Variants in CLASP2 observed in about 807,000 individuals in gnomAD.
The protein encoded by CLASP2 is CLIP-associating protein 2.
Under a neutral mutation model 194.4 loss-of-function variants are expected in CLASP2, and 47 were observed. That is an observed-to-expected ratio of 0.24 (90% CI 0.19 to 0.31). CLASP2 has a LOEUF of 0.31. Among genes scored for constraint, CLASP2 ranks in the 10% least tolerant of loss-of-function variants. The pLI is 1.00. For missense variants in CLASP2, 1,445 were observed against 1,823.6 expected (o/e 0.79, Z 3.78); for synonymous variants, 619 against 633.5 (o/e 0.98, Z 0.34).
chr3:33,570,886 A>G, intron 25 of CLASP2, 96 bp from the exon 26 acceptor site: 1 of 1,179,030 alleles, frequency 8.5e-7, no homozygotes, highest in South Asian at 1.6e-5. Flanking sequence ...AAAAAAAAAA[A>G]AAGGTTAGGT....
At chr3:33,640,595 G>C (rs1480365389) in intron 8 of CLASP2, among the ~76,000 whole-genome samples, 4 of 152,090 alleles carry the variant, frequency 2.6e-5, no homozygotes, top group Non-Finnish European at 2.9e-5. Context: ...TTTGGTCAAT[G>C]ATGTGTCTCA....
At chr3:33,597,832 A>G (rs1021171547) in intron 18 of CLASP2, among the ~76,000 whole-genome samples, 1 of 149,546 alleles carries the variant, frequency 6.7e-6, no homozygotes, top group Non-Finnish European at 1.5e-5. Flanking sequence ...ATCTCACTGC[A>G]GCCTCCACCT....
rs1185217094 is a variant in CLASP2, at chr3:33,710,364, C to T, written c.195+7444G>A. Among the ~76,000 whole-genome samples, 5 of 152,234 alleles carry T rather than the reference C, an allele frequency of 3.3e-5. No individual in the cohort carries two copies. In the South Asian group the frequency reaches 1.0e-3, roughly 32 times the overall value. ...GTTTTTAATTATTATCATAAGCAGG[C>T]TAGCCATAAAAATCAATATACCAAA... On this transcript the variant is annotated intron_variant, in intron 1 of 38. Transcript: ENST00000682230.
intron 1 of CLASP2, among the ~76,000 whole-genome samples, chr3:33,709,577 T>C (rs1017405321): frequency 1.3e-5 from 2 of 152,046 alleles, no homozygotes; most frequent in Admixed American, 6.6e-5. Flanking sequence ...ACTGCTGGCT[T>C]TGAAGATGGA....
At chr3:33,578,536 A>C (rs2065370657) in intron 23 of CLASP2, among the ~76,000 whole-genome samples, 1 of 152,222 alleles carries the variant, frequency 6.6e-6, no homozygotes. Context: ...GGACAGCCTT[A>C]ATAAACAGGA....
intron 20 of CLASP2, among the ~76,000 whole-genome samples, chr3:33,593,124 G>A (rs7640836): frequency 6.6e-5 from 10 of 152,018 alleles, no homozygotes; most frequent in East Asian, 1.9e-4. Context: ...CATACCTCCC[G>A]AACTGCACTC....
chr3:33,588,091 T>C (rs924046133), intron 21 of CLASP2, among the ~76,000 whole-genome samples: 7 of 152,164 alleles, frequency 4.6e-5, no homozygotes, highest in African/African-American at 1.7e-4. Flanking sequence ...CAAATTTAAA[T>C]TCAGTCCTGC....
chr3:33,588,880 T>TA, intron 21 of CLASP2: 2 of 598,284 alleles, frequency 3.3e-6, no homozygotes, highest in East Asian at 2.8e-5. Context: ...AAGCAAACTT[T>TA]AAAAAATCCC....
At chr3:33,590,997 ACAGTGGGAACC>A (rs147063349) in intron 21 of CLASP2, among the ~76,000 whole-genome samples, 1 of 143,074 alleles carries the variant, frequency 7.0e-6, no homozygotes. Context: ...CCTGGGCAAC[ACAGTGGGAACC>A]CACCTCTATA....
intron 37 of CLASP2, 127 bp from the exon 38 acceptor site, chr3:33,501,895 CAA>C: frequency 1.5e-6 from 1 of 645,890 alleles, no homozygotes; most frequent in South Asian, 1.9e-5. Flanking sequence ...AAGTGCAGAT[CAA>C]AGTTAACTTT....
At chr3:33,608,666 G>T in intron 13 of CLASP2, 40 bp from the exon 14 acceptor site, 2 of 1,322,136 alleles carry the variant, frequency 1.5e-6, no homozygotes, top group South Asian at 1.2e-5. Context: ...ATGTTGTATT[G>T]AGAAATACAT....
In CLASP2 at chr3:33,531,582, C is replaced by T. The variant is rs571113469; in HGVS notation, c.3787+3651G>A. On this transcript the variant is annotated intron_variant, in intron 34 of 38. Transcript: ENST00000682230. Reference sequence around the variant, plus strand: ...CCTGAGGTCAGGAGTTCGAGACCAGCCTGACCAACATGGACAAACCCCGTC... The same window carrying T: ...CCTGAGGTCAGGAGTTCGAGACCAGTCTGACCAACATGGACAAACCCCGTC... Among the ~76,000 whole-genome samples the T allele has an allele frequency of 1.8e-3, 278 of 152,262 alleles. 3 individuals carry two copies. Among genetic ancestry groups the T allele is most frequent in the South Asian group, 1.0e-3 (5 of 4,818 alleles).
intron 1 of CLASP2, among the ~76,000 whole-genome samples, chr3:33,707,846 TGA>T (rs1011711914): frequency 2.6e-5 from 4 of 152,172 alleles, no homozygotes; most frequent in African/African-American, 4.8e-5. Context: ...AAATAGAGAC[TGA>T]GGGGGAAACA....
Position 33,607,471 on chromosome 3 carries a change from A to G in CLASP2, c.1449-10T>C. The G allele has an allele frequency of 1.3e-6, 2 of 1,584,532 alleles. No homozygotes were observed. The highest frequency in any genetic ancestry group is 2.3e-5 in the South Asian group (2 of 87,212). ...CAAGACGGCTGCATGTCTATAAAAT[A>G]AAATACATCTTTAGAGTTATGATAT... On this transcript the variant is annotated splice_polypyrimidine_tract_variant and intron_variant, in intron 14 of 38. Transcript: ENST00000682230.
intron 6 of CLASP2, 90 bp downstream of exon 6, chr3:33,684,269 T>G (rs1030439212): frequency 4.6e-6 from 3 of 656,288 alleles, no homozygotes; most frequent in Non-Finnish European, 7.3e-6. Flanking sequence ...AATAAATAAA[T>G]AAAAAATACA....
intron 17 of CLASP2, 79 bp downstream of exon 17, chr3:33,604,075 T>C: frequency 9.6e-7 from 1 of 1,036,276 alleles, no homozygotes; most frequent in Admixed American, 2.2e-5. Context: ...CTTTTCACTA[T>C]GGAGCACATC....
At chr3:33,654,320 A>G (rs1405730552) in intron 7 of CLASP2, among the ~76,000 whole-genome samples, 1 of 152,228 alleles carries the variant, frequency 6.6e-6, no homozygotes, top group African/African-American at 2.4e-5. Flanking sequence ...GATTTTGTGG[A>G]AATGGAACCA....
At chr3:33,638,103 T>G (rs145638309) in intron 8 of CLASP2, among the ~76,000 whole-genome samples, 111 of 152,302 alleles carry the variant, frequency 7.3e-4, no homozygotes, top group African/African-American at 2.2e-3. Flanking sequence ...TTTATCAGTA[T>G]GTTTAATATG....
chr3:33,671,165 G>A (rs1316604727), intron 6 of CLASP2, among the ~76,000 whole-genome samples: 3 of 152,068 alleles, frequency 2.0e-5, no homozygotes, highest in African/African-American at 7.2e-5. Context: ...AGGAGGGTGG[G>A]AAACACTTAG....
Sources: gnomAD v4.1 joint callset for allele counts (sites outside exome capture counted in the v4.1 genomes callset) on GRCh38, gnomAD v4.1.1 for gene constraint, MANE v1.5 for transcripts, NCBI Gene and HGNC (gene_info 2026-07-23, HGNC 2026-07-21) for gene names.